PRKCE: variants seen among roughly 807,000 people sequenced by gnomAD.
PRKCE encodes the protein protein kinase C epsilon.
In PRKCE, 16 loss-of-function variants were observed where a neutral mutation model predicts 85.4. The ratio of observed to expected loss-of-function variants is 0.19; its 90% CI spans 0.13 to 0.28. The LOEUF is 0.28. Ranked by LOEUF, PRKCE falls within the 10% of genes least tolerant of loss-of-function variation. The probability of loss-of-function intolerance (pLI) is 1.00; values close to 1 mark genes in which losing one functional copy is unlikely to be tolerated. For missense variants in PRKCE, 573 were observed against 975.2 expected (o/e 0.59, Z 5.49); for synonymous variants, 388 against 371.5 (o/e 1.04, Z -0.51).
At chr2:45,718,477 T>C (rs1680337143) in intron 1 of PRKCE, among the ~76,000 whole-genome samples, 1 of 151,080 alleles carries the variant, frequency 6.6e-6, no homozygotes, top group Non-Finnish European at 1.5e-5. Context: ...CCTGAGTAGC[T>C]GGGATGACAG....
At chr2:45,960,940 A>G (rs1397351225) in intron 2 of PRKCE, among the ~76,000 whole-genome samples, 1 of 152,206 alleles carries the variant, frequency 6.6e-6, no homozygotes, top group African/African-American at 2.4e-5. Context: ...TGGCCCTCGC[A>G]GAGGCTTTCT....
In PRKCE at chr2:46,159,915, C is replaced by A; in HGVS notation, c.2067+163C>A. The A allele has an allele frequency of 1.2e-6, 1 of 802,650 alleles. No homozygotes were observed. The highest frequency in any genetic ancestry group is 1.8e-5 in the African/African-American group (1 of 55,762). The allele number at this position is 802,650 out of a possible 1,614,324, so 49.7% of individuals were successfully genotyped here. On this transcript the variant is annotated intron_variant, in intron 14 of 14. Coordinates refer to ENST00000306156, the MANE Select transcript of PRKCE (RefSeq NM_005400.3). This position sits in a 1 kb window ranked among gnomAD's most constrained non-coding sequence, Gnocchi z 4.1. ...TCTCCCTAAGACAATGTCTTTAGGC[C>A]CCAAGTGTTTACTATTGAAAACATG... is the stretch of plus-strand genomic sequence containing the variant.
At chr2:45,812,673 G>A (rs1190984723) in intron 1 of PRKCE, among the ~76,000 whole-genome samples, 2 of 152,254 alleles carry the variant, frequency 1.3e-5, no homozygotes, top group Non-Finnish European at 2.9e-5. Flanking sequence ...AGTAAATGCT[G>A]TGAAATGGTA....
At chr2:46,018,412 G>A (rs1489307363) in intron 10 of PRKCE, among the ~76,000 whole-genome samples, 1 of 152,150 alleles carries the variant, frequency 6.6e-6, no homozygotes, top group African/African-American at 2.4e-5. Context: ...AGAGGTTACA[G>A]TGAGCCGAGA....
At chr2:45,832,171 T>C (rs941312360) in intron 1 of PRKCE, among the ~76,000 whole-genome samples, 18 of 152,148 alleles carry the variant, frequency 1.2e-4, no homozygotes, top group African/African-American at 4.3e-4. Context: ...TTCCCCAAAG[T>C]TGGGCATCCT....
chr2:45,853,524 T>C (rs1202622111), intron 2 of PRKCE, among the ~76,000 whole-genome samples: 1 of 152,202 alleles, frequency 6.6e-6, no homozygotes, highest in African/African-American at 2.4e-5. Flanking sequence ...CCAGGGACCT[T>C]GCTAGAACTT....
intron 10 of PRKCE, among the ~76,000 whole-genome samples, chr2:46,027,897 T>C (rs1707234162): frequency 6.6e-6 from 1 of 151,928 alleles, no homozygotes; most frequent in South Asian, 2.1e-4. Flanking sequence ...TGGCCCACCT[T>C]CCACCTACCC....
At chr2:45,871,407 C>A (rs150684192) in intron 2 of PRKCE, among the ~76,000 whole-genome samples, 88 of 152,294 alleles carry the variant, frequency 5.8e-4, no homozygotes, top group African/African-American at 2.1e-3. Flanking sequence ...CTCCAGGGAA[C>A]CTGTGGTTAG....
intron 2 of PRKCE, among the ~76,000 whole-genome samples, chr2:45,872,271 A>G (rs879357671): frequency 3.9e-5 from 6 of 152,210 alleles, no homozygotes; most frequent in Admixed American, 6.5e-5. Context: ...CGTTGGGCAG[A>G]GAAAACAGCA....
At chr2:45,842,068 A>ACT (rs10622614) in intron 1 of PRKCE, among the ~76,000 whole-genome samples, 117,175 of 151,734 alleles carry the variant, frequency 0.77, 45,326 homozygotes, top group Admixed American at 0.82. Context: ...CAGAGTTACT[A>ACT]CTCTCTTATA....
rs374654132 is a variant in PRKCE, at chr2:45,944,229, C to T, written c.413-32200C>T. 2.6e-4 allele frequency among the ~76,000 whole-genome samples: 39 copies of T among 152,310 alleles called. No homozygotes were observed. The South Asian group carries it at 4.8e-3, about 19-fold the overall frequency. ...CTGCTGTCCATTTGCTCCATTCGGA[C>T]TTTTTGATGCTCCTTTTGTTCCCCA... On this transcript the variant is annotated intron_variant, in intron 2 of 14. Coordinates refer to ENST00000306156, the MANE Select transcript of PRKCE (RefSeq NM_005400.3).
chr2:45,675,829 G>A (rs529674615), intron 1 of PRKCE: 1 of 152,418 alleles, frequency 6.6e-6, no homozygotes, highest in South Asian at 2.1e-4. Context: ...GCCTGACTTT[G>A]GTGAGAGGTG....
At chr2:45,822,897 G>A (rs7559522) in intron 1 of PRKCE, among the ~76,000 whole-genome samples, 86,353 of 152,056 alleles carry the variant, frequency 0.57, 25,894 homozygotes, top group African/African-American at 0.75. Context: ...CTCTCCCACT[G>A]TAGGGTATAC....
At chr2:46,173,801 G>A (rs1679152359) in intron 14 of PRKCE, among the ~76,000 whole-genome samples, 1 of 152,242 alleles carries the variant, frequency 6.6e-6, no homozygotes, top group African/African-American at 2.4e-5. Flanking sequence ...ACAAACGATA[G>A]TTGGCTGAAC....
At position 45,974,825 on chromosome 2, in the gene PRKCE, C is replaced by T. The variant is rs143704079; in HGVS notation, c.413-1604C>T. Among the ~76,000 whole-genome samples, 280 of 152,292 alleles carry T rather than the reference C, an allele frequency of 1.8e-3. 1 individual carries two copies. Among genetic ancestry groups the T allele is most frequent in the African/African-American group, 6.3e-3 (260 of 41,556 alleles). ...TGATGCCTGGAGATATTTGGGGGCA[C>T]AGAGCCTTCCAGTGCATTTTAAGCT... On this transcript the variant is annotated intron_variant, in intron 2 of 14. Coordinates refer to ENST00000306156, the MANE Select transcript of PRKCE (RefSeq NM_005400.3).
At chr2:45,913,062 T>C (rs970304902) in intron 2 of PRKCE, among the ~76,000 whole-genome samples, 1 of 152,358 alleles carries the variant, frequency 6.6e-6, no homozygotes, top group East Asian at 1.9e-4. Flanking sequence ...TCCAGACTTA[T>C]GGAAAAGTAA....
intron 13 of PRKCE, among the ~76,000 whole-genome samples, chr2:46,157,694 G>A (rs1677352073): frequency 6.6e-6 from 1 of 152,254 alleles, no homozygotes; most frequent in Non-Finnish European, 1.5e-5. Flanking sequence ...CTCAGGGGCA[G>A]CTTCTTAAGA....
chr2:45,902,033 C>G (rs1696616996), intron 2 of PRKCE, among the ~76,000 whole-genome samples: 1 of 152,172 alleles, frequency 6.6e-6, no homozygotes, highest in African/African-American at 2.4e-5. Flanking sequence ...GTAGATCCCA[C>G]AGTCCTTGGG....
At chr2:46,128,682 A>G (rs1428364558) in intron 11 of PRKCE, among the ~76,000 whole-genome samples, 6 of 152,196 alleles carry the variant, frequency 3.9e-5, no homozygotes, top group Non-Finnish European at 8.8e-5. Flanking sequence ...TCTTTTAATC[A>G]GTTTTCCAGT....
Sources: allele counts gnomAD v4.1 joint callset (sites outside exome capture counted in the v4.1 genomes callset), GRCh38; gene constraint gnomAD v4.1.1; non-coding constraint Gnocchi (gnomAD v3.1); transcripts MANE v1.5; gene names NCBI Gene and HGNC (gene_info 2026-07-23, HGNC 2026-07-21).